CCDC85C: variants seen among roughly 807,000 people sequenced by gnomAD.
CCDC85C encodes the protein coiled-coil domain containing 85C.
CCDC85C carries 18 observed loss-of-function variants against 38.3 expected under a neutral mutation model. The observed-to-expected ratio is 0.47, with a 90% confidence interval of 0.33 to 0.70. The LOEUF is 0.70. CCDC85C is among the 30% of genes least tolerant of loss of function. The pLI is 0.03. For missense variants in CCDC85C, 566 were observed against 621.2 expected (o/e 0.91, Z 0.94); for synonymous variants, 264 against 293.8 (o/e 0.90, Z 1.04).
chr14:99,515,472 C>T (rs927864630), intron 5 of CCDC85C, 137 bp from the exon 6 acceptor site: 17 of 638,590 alleles, frequency 2.7e-5, no homozygotes, highest in Non-Finnish European at 4.5e-5. Flanking sequence ...GAGGCCACTG[C>T]AGGCCCAGAG....
At chr14:99,538,161 C>T (rs1595350209) in intron 1 of CCDC85C, among the ~76,000 whole-genome samples, 1 of 152,320 alleles carries the variant, frequency 6.6e-6, no homozygotes, top group East Asian at 1.9e-4. Flanking sequence ...AAGCAGCTAC[C>T]ATCCTCATTT....
intron 1 of CCDC85C, among the ~76,000 whole-genome samples, chr14:99,593,281 G>A (rs1171014456): frequency 6.6e-6 from 1 of 152,230 alleles, no homozygotes; most frequent in Non-Finnish European, 1.5e-5. Context: ...AGACAGATTT[G>A]GGAAGACAAA....
intron 2 of CCDC85C, among the ~76,000 whole-genome samples, chr14:99,528,408 C>T (rs370109000): frequency 1.5e-4 from 23 of 152,206 alleles, no homozygotes; most frequent in African/African-American, 4.8e-4. Context: ...GGTTGGGGCT[C>T]GCCAAGGCGA....
chr14:99,501,913 G>A lies in CCDC85C; in HGVS notation c.*13333C>T. Reference sequence around the variant, plus strand: ...TTTCATTTGAAGAAACAGTTGAGTGGCTAGGATTTCAACAGTTTAAATAAC... The same window carrying A: ...TTTCATTTGAAGAAACAGTTGAGTGACTAGGATTTCAACAGTTTAAATAAC... On this transcript the variant is annotated 3_prime_UTR_variant, in exon 6 of 6. Transcript: ENST00000380243. 3.9e-6 allele frequency: 1 copy of A among 256,848 alleles called. No homozygotes were observed. Among genetic ancestry groups the A allele is most frequent in the Non-Finnish European group, 7.3e-6 (1 of 136,286 alleles). The allele number at this position is 256,848 out of a possible 1,614,324, so 15.9% of individuals were successfully genotyped here.
At chr14:99,523,487 G>T (rs10135793) in intron 2 of CCDC85C, among the ~76,000 whole-genome samples, 3 of 152,142 alleles carry the variant, frequency 2.0e-5, no homozygotes, top group African/African-American at 4.8e-5. Context: ...GTCCTGCGGG[G>T]GTGAGGAGGC....
intron 1 of CCDC85C, among the ~76,000 whole-genome samples, chr14:99,563,120 T>C (rs575555757): frequency 6.6e-6 from 1 of 152,194 alleles, no homozygotes; most frequent in Non-Finnish European, 1.5e-5. Flanking sequence ...GCATCCAAGC[T>C]GAAGATTCTG....
chr14:99,521,976 T>A (rs1897309102), intron 3 of CCDC85C, among the ~76,000 whole-genome samples, 157 bp downstream of exon 3: 1 of 152,214 alleles, frequency 6.6e-6, no homozygotes, highest in Non-Finnish European at 1.5e-5. Context: ...GGGCTCCGCC[T>A]CTAACTGCCA....
rs2139880437 is a variant in CCDC85C, at chr14:99,506,974, G to A, written c.*8272C>T. 1 of 808,172 alleles carries A rather than the reference G, an allele frequency of 1.2e-6. No homozygotes were observed. The highest frequency in any genetic ancestry group is 1.3e-5 in the South Asian group (1 of 74,432). The allele number at this position is 808,172 out of a possible 1,614,324, so 50.1% of individuals were successfully genotyped here. On this transcript the variant is annotated 3_prime_UTR_variant, in exon 6 of 6. Transcript: ENST00000380243. ...CCTTAAAGCCTTGGTCATCTCTGTT[G>A]TTTTTCTCCCAAAGAAATCTCTGCC...
chr14:99,593,366 G>A (rs2055109167), intron 1 of CCDC85C, among the ~76,000 whole-genome samples: 1 of 152,210 alleles, frequency 6.6e-6, no homozygotes, highest in African/African-American at 2.4e-5. Flanking sequence ...CCGTTTCGGT[G>A]CCACCGGCCC....
rs75788770 is a variant in CCDC85C at position 99,573,010 on chromosome 14, G to A, written c.793+30157C>T. On this transcript the variant is annotated intron_variant, in intron 1 of 5. Transcript: ENST00000380243. ...GCAGAAGGCACCCTGGTGACCGCAG[G>A]AGACGCCACACATAAAGGCAGAGAA... 6.8e-4 allele frequency: 246 copies of A among 362,894 alleles called. 3 individuals are homozygous for A. In the East Asian group the frequency reaches 0.016, roughly 24 times the overall value. 22.5% of individuals were successfully genotyped at this position (362,894 alleles called of 1,614,324 possible). A position where few individuals can be genotyped will look rare whatever the true frequency, so the allele number is the denominator to read the frequency against.
At position 99,507,081 on chromosome 14, in the gene CCDC85C, C is replaced by G; in HGVS notation, c.*8165G>C. ...AATCTGCTTTTTCTTTGTAGAACCA[C>G]CACCACCTAAAATCCCCAAAATTGA... On this transcript the variant is annotated 3_prime_UTR_variant, in exon 6 of 6. Coordinates refer to ENST00000380243, the MANE Select transcript of CCDC85C (RefSeq NM_001144995.2). The G allele has an allele frequency of 6.2e-7, 1 of 1,604,158 alleles. No homozygotes were observed. The highest frequency in any genetic ancestry group is 1.1e-5 in the South Asian group (1 of 90,874).
rs1897002302 is a variant in CCDC85C, at chr14:99,507,410, A to G, written c.*7836T>C. 1 of 457,532 alleles carries G rather than the reference A, an allele frequency of 2.2e-6. No homozygotes were observed. The highest frequency in any genetic ancestry group is 3.4e-5 in the Admixed American group (1 of 28,998). 28.3% of individuals were successfully genotyped at this position (457,532 alleles called of 1,614,324 possible). On this transcript the variant is annotated 3_prime_UTR_variant, in exon 6 of 6. Coordinates refer to ENST00000380243, the MANE Select transcript of CCDC85C (RefSeq NM_001144995.2). ...TGGGCAACAAAGTGAGACCCTGTCT[A>G]AAAAATTAGCCAGGTGTGGTAGCAC... is the stretch of plus-strand genomic sequence containing the variant.
intron 1 of CCDC85C, among the ~76,000 whole-genome samples, chr14:99,547,194 C>G (rs560385663): frequency 2.6e-5 from 4 of 151,980 alleles, no homozygotes; most frequent in Non-Finnish European, 5.9e-5. Flanking sequence ...ACTCCCGTCT[C>G]TAAAAATCAT....
At position 99,510,244 on chromosome 14, in the gene CCDC85C, C is replaced by A. The variant is rs1897088348; in HGVS notation, c.*5002G>T. Reference sequence around the variant, plus strand: ...ACTGACCTCCCCAAAGTCCAGATTCCCCCTCCGGCCCACCCGGCCCCTGTG... The same window carrying A: ...ACTGACCTCCCCAAAGTCCAGATTCACCCTCCGGCCCACCCGGCCCCTGTG... On this transcript the variant is annotated 3_prime_UTR_variant, in exon 6 of 6. Coordinates refer to ENST00000380243, the MANE Select transcript of CCDC85C (RefSeq NM_001144995.2). The A allele has an allele frequency of 3.2e-6, 5 of 1,581,726 alleles. No homozygotes were observed. The highest frequency in any genetic ancestry group is 4.3e-6 in the Non-Finnish European group (5 of 1,169,060).
chr14:99,502,148 T>C lies in CCDC85C; in HGVS notation c.*13098A>G. The C allele has an allele frequency of 6.7e-7, 1 of 1,495,774 alleles. No individual in the cohort carries two copies. Among genetic ancestry groups the C allele is most frequent in the Non-Finnish European group, 8.9e-7 (1 of 1,119,936 alleles). The allele number at this position is 1,495,774 out of a possible 1,614,324, so 92.7% of individuals were successfully genotyped here. A position where few individuals can be genotyped will look rare whatever the true frequency, so the allele number is the denominator to read the frequency against. The stretch of plus-strand genomic sequence containing the variant: ...GGTTAGTTATGGCATCTCCATGCAC[T>C]GGTTTAATCATAAATATTAGATCAT... On this transcript the variant is annotated 3_prime_UTR_variant, in exon 6 of 6. Transcript: ENST00000380243.
At position 99,503,455 on chromosome 14, in the gene CCDC85C, C is replaced by T. The variant is rs1368389422; in HGVS notation, c.*11791G>A. ...GCAGAAATGATGATCTGGTAGGTGC[C>T]GTGGTTTGCCCTGAAAGTTCAGGCT... On this transcript the variant is annotated 3_prime_UTR_variant, in exon 6 of 6. Coordinates refer to ENST00000380243, the MANE Select transcript of CCDC85C (RefSeq NM_001144995.2). The T allele has an allele frequency of 9.5e-6, 6 of 629,854 alleles. No homozygotes were observed. Among genetic ancestry groups the T allele is most frequent in the African/African-American group, 3.7e-5 (2 of 54,234 alleles). The allele number at this position is 629,854 out of a possible 1,614,324, so 39.0% of individuals were successfully genotyped here.
At position 99,527,024 on chromosome 14, in the gene CCDC85C, A is replaced by T. The variant is rs1275994891; in HGVS notation, c.868-4784T>A. Among the ~76,000 whole-genome samples, 3 of 152,032 alleles carry T rather than the reference A, an allele frequency of 2.0e-5. No homozygotes were observed. The East Asian group carries it at 5.8e-4, about 30-fold the overall frequency. On this transcript the variant is annotated intron_variant, in intron 2 of 5. Coordinates refer to ENST00000380243, the MANE Select transcript of CCDC85C (RefSeq NM_001144995.2). ...GGAGAGTGCAGAGAAAGCAGGGAGG[A>T]TGCAGGACAGGGCAGGGGTCAGGGC...
At chr14:99,589,272 C>T (rs1188022205) in intron 1 of CCDC85C, among the ~76,000 whole-genome samples, 1 of 152,082 alleles carries the variant, frequency 6.6e-6, no homozygotes, top group Non-Finnish European at 1.5e-5. Context: ...GGCCCAGATC[C>T]GCCAGACAAC....
intron 1 of CCDC85C, among the ~76,000 whole-genome samples, chr14:99,591,149 T>C (rs7147461): frequency 0.98 from 148,842 of 152,326 alleles, 72,805 homozygotes; most frequent in East Asian, 1. Context: ...GTCCAATCTG[T>C]CCCCACCCCA....
Sources: allele counts gnomAD v4.1 joint callset (sites outside exome capture counted in the v4.1 genomes callset), GRCh38; gene constraint gnomAD v4.1.1; transcripts MANE v1.5; gene names NCBI Gene and HGNC (gene_info 2026-07-23, HGNC 2026-07-21).